The following MAPKAP1 variants were observed in gnomAD, a reference collection of about 807,000 sequenced individuals.
MAPKAP1 encodes target of rapamycin complex 2 subunit MAPKAP1.
In MAPKAP1, 20 loss-of-function variants were observed where a neutral mutation model predicts 65.7. The observed-to-expected ratio is 0.30, with a 90% CI of 0.21 to 0.44. MAPKAP1 has a LOEUF of 0.44. Among genes scored for constraint, MAPKAP1 ranks in the 20% least tolerant of loss-of-function variants. The pLI is 1.00. For synonymous variants in MAPKAP1, 222 were observed against 244.3 expected (o/e 0.91, Z 0.85); for missense variants, 423 against 648.0 (o/e 0.65, Z 3.77).
chr9:125,691,493 C>T (rs1766441288), intron 1 of MAPKAP1, among the ~76,000 whole-genome samples: 1 of 152,112 alleles, frequency 6.6e-6, no homozygotes, highest in South Asian at 2.1e-4. Context: ...TCCATCAAAA[C>T]ACAAACCTGA....
intron 5 of MAPKAP1, among the ~76,000 whole-genome samples, chr9:125,575,818 T>C (rs139374388): frequency 1.3e-5 from 2 of 152,316 alleles, no homozygotes; most frequent in Non-Finnish European, 2.9e-5. Context: ...AGGCTTACCA[T>C]ACAATTTGTC....
chr9:125,552,801 T>C (rs1223423405), intron 6 of MAPKAP1, among the ~76,000 whole-genome samples: 1 of 152,136 alleles, frequency 6.6e-6, no homozygotes, highest in East Asian at 1.9e-4. Flanking sequence ...TTTCTAACGG[T>C]GATGTGAGCC....
chr9:125,538,804 GT>G (rs936744234), intron 7 of MAPKAP1, among the ~76,000 whole-genome samples: 4 of 152,008 alleles, frequency 2.6e-5, no homozygotes, highest in African/African-American at 9.7e-5. Flanking sequence ...CTAGAAAAAG[GT>G]CATCCTTAGG....
chr9:125,632,488 C>A (rs1294665199), intron 4 of MAPKAP1, among the ~76,000 whole-genome samples: 1 of 152,118 alleles, frequency 6.6e-6, no homozygotes, highest in Non-Finnish European at 1.5e-5. Context: ...TAACCATGAC[C>A]CTAAACCTTT....
chr9:125,608,118 C>A (rs185590339), intron 4 of MAPKAP1, among the ~76,000 whole-genome samples: 1 of 152,240 alleles, frequency 6.6e-6, no homozygotes, highest in East Asian at 1.9e-4. Context: ...GTTCTACTTA[C>A]CCCATGTCAT....
In MAPKAP1 at chr9:125,483,716, G is replaced by T. The variant is rs1038570477; in HGVS notation, c.1207+727C>A. 3.3e-5 allele frequency among the ~76,000 whole-genome samples: 5 copies of T among 152,280 alleles called. No individual in the cohort carries two copies. The South Asian group carries it at 1.0e-3, about 32-fold the overall frequency. On this transcript the variant is annotated intron_variant, in intron 9 of 11. Transcript: ENST00000265960. The stretch of plus-strand genomic sequence containing the variant: ...CCACCACCTAACCACTGTGTGAGTT[G>T]GGCATGAGACTTGACTGCTCTGTAC...
chr9:125,535,245 A>G (rs1362969100), intron 7 of MAPKAP1, among the ~76,000 whole-genome samples: 1 of 152,120 alleles, frequency 6.6e-6, no homozygotes, highest in African/African-American at 2.4e-5. Flanking sequence ...CCCATCTGAC[A>G]AAGTTCTAAT....
chr9:125,596,223 G>C, intron 4 of MAPKAP1: 1 of 766,066 alleles, frequency 1.3e-6, no homozygotes, highest in Non-Finnish European at 2.4e-6. Flanking sequence ...GCAAGAGATG[G>C]CTAATACTTC....
chr9:125,464,503 T>G (rs1853610811), intron 10 of MAPKAP1, among the ~76,000 whole-genome samples: 1 of 152,226 alleles, frequency 6.6e-6, no homozygotes, highest in Non-Finnish European at 1.5e-5. Context: ...ATTCTTAATT[T>G]CTCAAGGCTT....
At chr9:125,452,827 G>T (rs1853005553) in intron 10 of MAPKAP1, among the ~76,000 whole-genome samples, 1 of 152,074 alleles carries the variant, frequency 6.6e-6, no homozygotes, top group African/African-American at 2.4e-5. Flanking sequence ...GGAGGTTGCA[G>T]TAAGGCGGAA....
At chr9:125,491,311 G>A (rs1278002657) in intron 8 of MAPKAP1, among the ~76,000 whole-genome samples, 1 of 151,864 alleles carries the variant, frequency 6.6e-6, no homozygotes, top group Admixed American at 6.6e-5. Flanking sequence ...GGGTTTGGTG[G>A]CTCATGCCTG....
intron 9 of MAPKAP1, among the ~76,000 whole-genome samples, chr9:125,480,804 C>G (rs34531306): frequency 1.3e-5 from 2 of 151,452 alleles, no homozygotes; most frequent in African/African-American, 2.4e-5. Flanking sequence ...AACCCCGTCT[C>G]TACTAAAAAT....
At chr9:125,650,025 G>A (rs911400630) in intron 4 of MAPKAP1, among the ~76,000 whole-genome samples, 1 of 152,000 alleles carries the variant, frequency 6.6e-6, no homozygotes, top group Non-Finnish European at 1.5e-5. Flanking sequence ...AGCCGGACAC[G>A]GACCAGGAAA....
chr9:125,494,306 G>A (rs966177344), intron 8 of MAPKAP1, among the ~76,000 whole-genome samples: 114 of 152,018 alleles, frequency 7.5e-4, no homozygotes, highest in Non-Finnish European at 3.4e-4. Flanking sequence ...ACACGTTCAT[G>A]CCCCCCGCCT....
chr9:125,614,842 A>G (rs925639787), intron 4 of MAPKAP1, among the ~76,000 whole-genome samples: 1 of 152,220 alleles, frequency 6.6e-6, no homozygotes, highest in African/African-American at 2.4e-5. Context: ...GAAATATTGG[A>G]AACATTTCCT....
chr9:125,526,102 C>T (rs1829758914), intron 7 of MAPKAP1, among the ~76,000 whole-genome samples: 1 of 152,186 alleles, frequency 6.6e-6, no homozygotes. Flanking sequence ...GCAGCCACTG[C>T]CAGGCCCTTA....
chr9:125,471,666 C>T (rs1249508841), intron 9 of MAPKAP1: 2 of 152,316 alleles, frequency 1.3e-5, no homozygotes, highest in Non-Finnish European at 2.9e-5. Flanking sequence ...AGAAGCAGCA[C>T]TGTCTCCCTG....
rs1459000187 is a variant in MAPKAP1 at position 125,588,204 on chromosome 9, C to T, written c.499-2477G>A. ...AATGAATGGATAAACAAAATCCATACAATAGAATATTATTCAGCCATGAGA... is the reference window on the plus strand; with the variant it reads ...AATGAATGGATAAACAAAATCCATATAATAGAATATTATTCAGCCATGAGA... On this transcript the variant is annotated intron_variant, in intron 4 of 11. Coordinates refer to ENST00000265960, the MANE Select transcript of MAPKAP1 (RefSeq NM_001006617.3). Among the ~76,000 whole-genome samples the T allele has an allele frequency of 2.0e-5, 3 of 152,086 alleles. No individual in the cohort carries two copies. The East Asian group carries it at 5.8e-4, about 29-fold the overall frequency.
chr9:125,681,833 T>C (rs528494319), intron 1 of MAPKAP1, among the ~76,000 whole-genome samples: 1 of 152,366 alleles, frequency 6.6e-6, no homozygotes, highest in East Asian at 1.9e-4. Flanking sequence ...TGCAGTTGTG[T>C]GATCACAGCT....
Sources: allele counts gnomAD v4.1 joint callset (sites outside exome capture counted in the v4.1 genomes callset), GRCh38; gene constraint gnomAD v4.1.1; transcripts MANE v1.5; gene names NCBI Gene and HGNC (gene_info 2026-07-23, HGNC 2026-07-21).